MTPAP: variants seen among roughly 807,000 people sequenced by gnomAD.
MTPAP encodes poly(A) RNA polymerase, mitochondrial.
MTPAP carries 23 observed loss-of-function variants against 48.7 expected under a neutral mutation model. The observed-to-expected ratio is 0.47, with a 90% CI of 0.34 to 0.67. The LOEUF is 0.67. Among genes scored for constraint, MTPAP ranks in the 30% least tolerant of loss-of-function variants. The pLI is 0.01. For synonymous variants in MTPAP, 257 were observed against 254.1 expected (o/e 1.01, Z -0.11); for missense variants, 614 against 694.3 (o/e 0.88, Z 1.30).
At position 30,336,303 on chromosome 10, in the gene MTPAP, A is replaced by G. The variant is rs1195253601; in HGVS notation, c.780+500T>C. Among the ~76,000 whole-genome samples the G allele has an allele frequency of 4.6e-5, 7 of 152,184 alleles. No individual in the cohort carries two copies. In the East Asian group the frequency reaches 1.2e-3, roughly 25 times the overall value. On this transcript the variant is annotated intron_variant, in intron 4 of 8. Transcript: ENST00000263063. ...AAGAAAAAAGTATTTATAGAGATGA[A>G]TAAAGCATGTATGAGGGATATAATA...
At chr10:30,346,003 T>C (rs891958470) in intron 1 of MTPAP, among the ~76,000 whole-genome samples, 8 of 145,678 alleles carry the variant, frequency 5.5e-5, no homozygotes, top group African/African-American at 1.5e-4. Context: ...ATAGCGCCAC[T>C]GAACTCCAGC....
chr10:30,339,572 G>T (rs183224557), intron 3 of MTPAP, among the ~76,000 whole-genome samples: 1 of 151,856 alleles, frequency 6.6e-6, no homozygotes, highest in Admixed American at 6.6e-5. Flanking sequence ...CATTATGCTG[G>T]AAAGAGAAAG....
intron 3 of MTPAP, among the ~76,000 whole-genome samples, chr10:30,338,677 AAATAAT>A (rs1227784075): frequency 1.3e-5 from 2 of 152,170 alleles, no homozygotes; most frequent in East Asian, 3.9e-4. Context: ...CTCTGTCTCA[AAATAAT>A]AATAATAACA....
At chr10:30,348,126 C>T (rs1469658991) in intron 1 of MTPAP, among the ~76,000 whole-genome samples, 15 of 152,160 alleles carry the variant, frequency 9.9e-5, no homozygotes, top group Admixed American at 9.8e-4. Context: ...GCTTTTTTGG[C>T]AGAATCCTTA....
intron 6 of MTPAP, 93 bp downstream of exon 6, chr10:30,322,294 CTAAT>C (rs1248208583): frequency 9.2e-7 from 1 of 1,081,466 alleles, no homozygotes; most frequent in Non-Finnish European, 1.4e-6. Flanking sequence ...AATTTTATGA[CTAAT>C]AAACAAATAG....
chr10:30,314,053 A>C, intron 8 of MTPAP, 82 bp from the exon 9 acceptor site: 5 of 1,390,406 alleles, frequency 3.6e-6, no homozygotes, highest in African/African-American at 1.4e-5. Context: ...ATAAAATGTC[A>C]AAACACATAA....
At chr10:30,314,081 T>C in intron 8 of MTPAP, 110 bp from the exon 9 acceptor site, 2 of 1,229,242 alleles carry the variant, frequency 1.6e-6, no homozygotes, top group Non-Finnish European at 1.2e-6. Flanking sequence ...GCATTAACTT[T>C]ACATAGCAAA....
chr10:30,340,213 C>T lies in MTPAP; in HGVS notation c.555+13G>A. The stretch of plus-strand genomic sequence containing the variant: ...ACATAGTTCTAAAAGTTGAGGTACA[C>T]CTAAAAACTTACACTTTCTGCATAA... On this transcript the variant is annotated intron_variant, in intron 3 of 8. Transcript: ENST00000263063. 2 of 1,592,296 alleles carry T rather than the reference C, an allele frequency of 1.3e-6. No individual in the cohort carries two copies. The highest frequency in any genetic ancestry group is 2.2e-5 in the South Asian group (2 of 90,646).
chr10:30,343,987 AC>A (rs1834841410), intron 1 of MTPAP, among the ~76,000 whole-genome samples: 2 of 152,034 alleles, frequency 1.3e-5, no homozygotes, highest in South Asian at 2.1e-4. Flanking sequence ...AGTCTCATTC[AC>A]CCTAGTTTTG....
chr10:30,330,038 A>G (rs1033826467), intron 4 of MTPAP, among the ~76,000 whole-genome samples: 1 of 152,140 alleles, frequency 6.6e-6, no homozygotes, highest in Non-Finnish European at 1.5e-5. Flanking sequence ...TCACCGGGTT[A>G]TCTCTGGAGG....
intron 3 of MTPAP, 87 bp downstream of exon 3, chr10:30,340,139 T>A: frequency 1.8e-6 from 2 of 1,135,710 alleles, no homozygotes; most frequent in South Asian, 1.3e-5. Context: ...CATTAAACAA[T>A]AATGTAGCTT....
intron 1 of MTPAP, among the ~76,000 whole-genome samples, chr10:30,342,276 T>C (rs886227174): frequency 1.3e-5 from 2 of 152,070 alleles, no homozygotes; most frequent in South Asian, 2.1e-4. Context: ...AATAATGAAA[T>C]AGAACAATTC....
At chr10:30,340,952 A>C (rs77377047) in intron 2 of MTPAP, among the ~76,000 whole-genome samples, 2 of 151,990 alleles carry the variant, frequency 1.3e-5, no homozygotes, top group Non-Finnish European at 1.5e-5. Context: ...AAACAATGTT[A>C]GTTAAGAGAA....
chr10:30,341,501 T>C lies in MTPAP; in HGVS notation c.297A>G (p.Gly99=), dbSNP rs1416107529. 6.2e-6 allele frequency: 10 copies of C among 1,613,648 alleles called. No individual in the cohort carries two copies. The Admixed American group carries it at 1.7e-4, about 27-fold the overall frequency. ...NKFLKYLSQF[G]PINNHFFYES... ...CATAGAAGAAATGATTATTAATAGG[T>C]CCAAATTGGGATAAATATTTAAGAA... is the stretch of plus-strand genomic sequence containing the variant. Residue 99 remains glycine (G), a synonymous_variant, in exon 2 of 9, where the codon GGA becomes GGG. Coordinates refer to ENST00000263063, the MANE Select transcript of MTPAP (RefSeq NM_018109.4).
rs557973284 is a variant in MTPAP, at chr10:30,310,857, C to G, written c.*2752G>C. 1 of 151,264 alleles carries G rather than the reference C, an allele frequency of 6.6e-6. No individual in the cohort carries two copies. Among genetic ancestry groups the G allele is most frequent in the Admixed American group, 6.6e-5 (1 of 15,204 alleles). The allele number at this position is 151,264 out of a possible 1,614,324, so 9.4% of individuals were successfully genotyped here. A position where few individuals can be genotyped will look rare whatever the true frequency, so the allele number is the denominator to read the frequency against. ...GAGGTTGCAGTGAGCCGAGATCGCACCACTGCAGTCTAGCCTGGGTGACAG... is the reference window on the plus strand; with the variant it reads ...GAGGTTGCAGTGAGCCGAGATCGCAGCACTGCAGTCTAGCCTGGGTGACAG... On this transcript the variant is annotated 3_prime_UTR_variant, in exon 9 of 9. Coordinates refer to ENST00000263063, the MANE Select transcript of MTPAP (RefSeq NM_018109.4).
At chr10:30,337,602 T>A (rs1834744941) in intron 3 of MTPAP, among the ~76,000 whole-genome samples, 1 of 152,094 alleles carries the variant, frequency 6.6e-6, no homozygotes, top group South Asian at 2.1e-4. Flanking sequence ...TATAATATTT[T>A]AAAATTTTTA....
At chr10:30,329,286 T>C (rs1276921179) in intron 4 of MTPAP, among the ~76,000 whole-genome samples, 2 of 151,664 alleles carry the variant, frequency 1.3e-5, no homozygotes, top group Non-Finnish European at 2.9e-5. Flanking sequence ...TGAAGTGCAG[T>C]GGTGCAACCA....
chr10:30,314,682 G>T (rs1256770639), intron 8 of MTPAP, among the ~76,000 whole-genome samples: 1 of 151,974 alleles, frequency 6.6e-6, no homozygotes, highest in Non-Finnish European at 1.5e-5. Context: ...AGACAGGCCT[G>T]ACCAACATGG....
chr10:30,316,063 C>A, intron 7 of MTPAP, 27 bp from the exon 8 acceptor site: 2 of 1,610,148 alleles, frequency 1.2e-6, no homozygotes, highest in Non-Finnish European at 1.7e-6. Context: ...CAAGGACAAT[C>A]AGAGGAAAGC....
Sources: gnomAD v4.1 joint callset for allele counts (sites outside exome capture counted in the v4.1 genomes callset) on GRCh38, gnomAD v4.1.1 for gene constraint, MANE v1.5 for transcripts, NCBI Gene and HGNC (gene_info 2026-07-23, HGNC 2026-07-21) for gene names.